The following CELSR2 variants were observed in gnomAD, a reference collection of about 807,000 sequenced individuals.
The protein encoded by CELSR2 is EGF-like protein 2.
Under a neutral mutation model 251.6 loss-of-function variants are expected in CELSR2, and 81 were observed. That is an observed-to-expected ratio of 0.32 (90% CI 0.27 to 0.39). The LOEUF (loss-of-function observed/expected upper bound fraction) is 0.39. Ranked by LOEUF, CELSR2 falls within the 10% of genes least tolerant of loss-of-function variation. The pLI, the probability that CELSR2 is intolerant of heterozygous loss-of-function variation, is 1.00. For synonymous variants in CELSR2, 1,721 were observed against 1,670.5 expected (o/e 1.03, Z -0.74); for missense variants, 3,365 against 3,947.7 (o/e 0.85, Z 3.96).
Position 109,271,469 on chromosome 1 carries a change from C to CCCTCCACTT in CELSR2, c.7765_7766insACTTCCTCC (p.Leu2588_Leu2589insHisPheLeu). 1 of 1,614,142 alleles carries CCCTCCACTT rather than the reference C, an allele frequency of 6.2e-7. No individual in the cohort carries two copies. Among genetic ancestry groups the CCCTCCACTT allele is most frequent in the Non-Finnish European group, 8.5e-7 (1 of 1,180,030 alleles). On this transcript the variant is annotated inframe_insertion, in exon 27 of 34. Coordinates refer to ENST00000271332, the MANE Select transcript of CELSR2 (RefSeq NM_001408.3). ...GCACTGCTCTCTGTCAACAGCGACACCCTCCTCTTCCACTACCTCTTTGCT... is the reference window on the plus strand; with the variant it reads ...GCACTGCTCTCTGTCAACAGCGACACCCTCCACTTCCTCCTCTTCCACTACCTCTTTGCT...
chr1:109,255,091 ACGGCTCCTCCTGGCC>A (rs1655806220), intron 1 of CELSR2, among the ~76,000 whole-genome samples: 1 of 152,028 alleles, frequency 6.6e-6, no homozygotes, highest in African/African-American at 2.4e-5. Flanking sequence ...AACATCCAGG[ACGGCTCCTCCTGGCC>A]CGGCAGCTCT....
chr1:109,271,471 C>T lies in CELSR2; in HGVS notation c.7762C>T (p.Leu2588Phe), dbSNP rs886430304. 9 of 1,614,176 alleles carry T rather than the reference C, an allele frequency of 5.6e-6. No individual in the cohort carries two copies. Among genetic ancestry groups the T allele is most frequent in the Non-Finnish European group, 6.8e-6 (8 of 1,180,042 alleles). The change falls in exon 27 of 34, where the codon CTC becomes TTC. Residue 2588 changes from leucine to phenylalanine, a missense_variant. Transcript: ENST00000271332. ...ACTGCTCTCTGTCAACAGCGACACC[C>T]TCCTCTTCCACTACCTCTTTGCTAC... ...LALLSVNSDT[L>F]LFHYLFATCN...
rs1557738348 is a variant in CELSR2, at chr1:109,273,309, C to T, written c.8482C>T (p.Pro2828Ser). Residue 2828 changes from proline (P) to serine (S), a missense_variant, in exon 32 of 34, where the codon CCA becomes TCA. Pro to Ser is a moderately conservative substitution (Grantham distance 74). This residue lies in a region of CELSR2 where 2,093 missense variants were observed against 2,382.8 expected (regional missense o/e 0.88). Coordinates refer to ENST00000271332, the MANE Select transcript of CELSR2 (RefSeq NM_001408.3). ...LSREGSLGPL[P>S]GSSAQPHKGI... Reference sequence around the variant, plus strand: ...TCGAGAGGGGTCCCTAGGCCCCCTTCCAGGCTCTTCTGCCCAGCCTCACAA... The same window carrying T: ...TCGAGAGGGGTCCCTAGGCCCCCTTTCAGGCTCTTCTGCCCAGCCTCACAA... 1 of 1,598,120 alleles carries T rather than the reference C, an allele frequency of 6.3e-7. No individual in the cohort carries two copies. Among genetic ancestry groups the T allele is most frequent in the Non-Finnish European group, 8.5e-7 (1 of 1,171,914 alleles).
intron 17 of CELSR2, 40 bp downstream of exon 17, chr1:109,268,100 G>C: frequency 6.4e-7 from 1 of 1,562,498 alleles, no homozygotes. Flanking sequence ...GTTAGATAGG[G>C]GTCATGGTGA....
rs1013929026 is a variant in CELSR2 at position 109,269,130 on chromosome 1, C to G, written c.6652C>G (p.Pro2218Ala). Residue 2218 changes from proline (P) to alanine (A), a missense_variant, in exon 20 of 34, where the codon CCC becomes GCC. Pro to Ala is a conservative substitution (Grantham distance 27). Around this residue, in one of 5 missense-constraint regions of CELSR2, gnomAD observed 2,093 missense variants for 2,382.8 expected, o/e 0.88. Coordinates refer to ENST00000271332, the MANE Select transcript of CELSR2 (RefSeq NM_001408.3). This position sits in a 1 kb window ranked among gnomAD's most constrained non-coding sequence, Gnocchi z 6.4. ...VFRETPPVVR[P>A]AGPGEAQEPE... The stretch of plus-strand genomic sequence containing the variant: ...CCCAGAGACGCCCCCCGTGGTCAGG[C>G]CCGCAGGCCCCGGAGAGGCCCAGGA... 1.9e-6 allele frequency: 3 copies of G among 1,606,226 alleles called. No homozygotes were observed. The highest frequency in any genetic ancestry group is 2.5e-6 in the Non-Finnish European group (3 of 1,176,484).
At chr1:109,265,133 C>G (rs1179218915) in intron 12 of CELSR2, 58 bp from the exon 13 acceptor site, 2 of 1,582,946 alleles carry the variant, frequency 1.3e-6, no homozygotes, top group Non-Finnish European at 1.7e-6. Context: ...ATAGGGCTCA[C>G]CTAGGTTAGG....
In CELSR2 at chr1:109,271,600, G is replaced by C; in HGVS notation, c.7804G>C (p.Gly2602Arg). 1 of 1,614,134 alleles carries C rather than the reference G, an allele frequency of 6.2e-7. No individual in the cohort carries two copies. Among genetic ancestry groups the C allele is most frequent in the South Asian group, 1.1e-5 (1 of 91,080 alleles). Residue 2602 changes from glycine (G) to arginine (R), a missense_variant and splice_region_variant, in exon 28 of 34, where the codon GGC becomes CGC. Gly to Arg is a moderately radical substitution (Grantham distance 125, BLOSUM62 -2). Around this residue, in one of 5 missense-constraint regions of CELSR2, gnomAD observed 2,093 missense variants for 2,382.8 expected, o/e 0.88. Transcript: ENST00000271332. ...ACCGTTGCTGCCTCTTGCCTGCCAG[G>C]GCCCCTTCATCTTCCTCTCCTATGT... is the stretch of plus-strand genomic sequence containing the variant. ...YLFATCNCIQ[G>R]PFIFLSYVVL...
chr1:109,256,489 G>A (rs1289234143), intron 1 of CELSR2, among the ~76,000 whole-genome samples: 1 of 152,182 alleles, frequency 6.6e-6, no homozygotes, highest in East Asian at 1.9e-4. Flanking sequence ...CGCTGGTACA[G>A]TCAGCCACCG....
At position 109,261,422 on chromosome 1, in the gene CELSR2, G is replaced by C. The variant is rs1251484118; in HGVS notation, c.4182-91G>C. On this transcript the variant is annotated intron_variant, in intron 3 of 33. Coordinates refer to ENST00000271332, the MANE Select transcript of CELSR2 (RefSeq NM_001408.3). This position sits in a 1 kb window ranked among gnomAD's most constrained non-coding sequence, Gnocchi z 4.8. ...GGAGTTGCCTGTGGTTCTGCCAGCA[G>C]ATCTCCCTCCCCTGCGCTGGTTAGG... The C allele has an allele frequency of 3.6e-6, 5 of 1,399,854 alleles. No individual in the cohort carries two copies. The highest frequency in any genetic ancestry group is 5.1e-6 in the Non-Finnish European group (5 of 988,604). 86.7% of individuals were successfully genotyped at this position (1,399,854 alleles called of 1,614,324 possible).
chr1:109,269,615 C>T lies in CELSR2; in HGVS notation c.6980+24C>T, dbSNP rs748783148. 4.3e-6 allele frequency: 7 copies of T among 1,613,376 alleles called. No individual in the cohort carries two copies. Among genetic ancestry groups the T allele is most frequent in the Non-Finnish European group, 5.9e-6 (7 of 1,179,420 alleles). ...CTGTGAGCCTGCACTGCCCTCGCCC[C>T]CTCAGGCTTCGGGCTGAAAGTCCAG... is the stretch of plus-strand genomic sequence containing the variant. On this transcript the variant is annotated intron_variant, in intron 21 of 33. Transcript: ENST00000271332. This position sits in a 1 kb window ranked among gnomAD's most constrained non-coding sequence, Gnocchi z 6.4.
rs1489795835 is a variant in CELSR2 at position 109,258,654 on chromosome 1, G to C, written c.3533G>C (p.Gly1178Ala). 7.7e-6 allele frequency: 12 copies of C among 1,549,756 alleles called. No individual in the cohort carries two copies. The highest frequency in any genetic ancestry group is 9.6e-6 in the Non-Finnish European group (11 of 1,146,040). ...CAGCGGGACACCGACGCCCCCGGGGGCCACATCCTCAACGTGAGCCTGTCG... is the reference window on the plus strand; with the variant it reads ...CAGCGGGACACCGACGCCCCCGGGGCCCACATCCTCAACGTGAGCCTGTCG... The part of the protein sequence containing the change: ...NVQRDTDAPG[G>A]HILNVSLSVG... Residue 1178 changes from glycine to alanine, a missense_variant, in exon 2 of 34, where the codon GGC (glycine) becomes GCC (alanine). Gly to Ala is a moderately conservative substitution (Grantham distance 60). Coordinates refer to ENST00000271332, the MANE Select transcript of CELSR2 (RefSeq NM_001408.3).
Position 109,263,227 on chromosome 1 carries a change from C to T in CELSR2, c.4794C>T (p.Cys1598=), listed in dbSNP as rs2101257667. ...TCVNQWDAFS[C]ECPLGFGGKS... is the part of the protein sequence containing the mutation. ...TGAACCAGTGGGACGCGTTCAGCTG[C>T]GAGTGCCCCCTGGGCTTTGGGGGCA... Residue 1598 remains cysteine (C), a synonymous_variant, in exon 8 of 34, where the codon TGC becomes TGT. Transcript: ENST00000271332. 2 of 1,591,440 alleles carry T rather than the reference C, an allele frequency of 1.3e-6. No individual in the cohort carries two copies. Among genetic ancestry groups the T allele is most frequent in the Non-Finnish European group, 8.6e-7 (1 of 1,161,850 alleles).
Position 109,262,126 on chromosome 1 carries a change from A to G in CELSR2, c.4387-161A>G, listed in dbSNP as rs140995109. Among the ~76,000 whole-genome samples the G allele has an allele frequency of 1.4e-3, 218 of 152,368 alleles. 4 individuals are homozygous for G. Among genetic ancestry groups the G allele is most frequent in the East Asian group, 1.5e-3 (8 of 5,182 alleles). The stretch of plus-strand genomic sequence containing the variant: ...CGCAAACTTGGACACTGAGGAAGGT[A>G]GTTACATGCATAAACCACGTGAGCA... On this transcript the variant is annotated intron_variant, in intron 5 of 33. Transcript: ENST00000271332.
At position 109,269,932 on chromosome 1, in the gene CELSR2, G is replaced by A; in HGVS notation, c.7108-1G>A. ...CTGGCCCCCTGCCACCTACTCTGCA[G>A]AATGGGGAGATCCTGCCACTGAAGA... On this transcript the variant is annotated splice_acceptor_variant, in intron 22 of 33. Coordinates refer to ENST00000271332, the MANE Select transcript of CELSR2 (RefSeq NM_001408.3). LOFTEE classifies it high-confidence loss of function. This position sits in a 1 kb window ranked among gnomAD's most constrained non-coding sequence, Gnocchi z 6.4. 6.2e-7 allele frequency: 1 copy of A among 1,614,162 alleles called. No individual in the cohort carries two copies. Among genetic ancestry groups the A allele is most frequent in the Non-Finnish European group, 8.5e-7 (1 of 1,180,022 alleles).
chr1:109,263,327 C>A, intron 8 of CELSR2, 60 bp downstream of exon 8: 1 of 1,531,440 alleles, frequency 6.5e-7, no homozygotes, highest in South Asian at 1.3e-5. Context: ...TGGGAACTGG[C>A]AGGGTTGGGG....
rs1388793324 is a variant in CELSR2, at chr1:109,252,135, A to G, written c.2056A>G (p.Thr686Ala). Residue 686 changes from threonine to alanine, a missense_variant, in exon 1 of 34, where the codon ACC becomes GCC. Around this residue, in one of 5 missense-constraint regions of CELSR2, gnomAD observed 505 missense variants for 660.0 expected, o/e 0.77. Transcript: ENST00000271332. This position sits in a 1 kb window ranked among gnomAD's most constrained non-coding sequence, Gnocchi z 4.8. ...TGAGCGGCAGTATGTGTTGGCTGTT[A>G]CCGCCTCCGATGGCACTCGGCAGGA... ...KLERQYVLAV[T>A]ASDGTRQDTA... 3 of 1,613,882 alleles carry G rather than the reference A, an allele frequency of 1.9e-6. No individual in the cohort carries two copies. Among genetic ancestry groups the G allele is most frequent in the Non-Finnish European group, 2.5e-6 (3 of 1,180,044 alleles).
chr1:109,266,801 C>A (rs1656209249), intron 15 of CELSR2, among the ~76,000 whole-genome samples: 1 of 150,988 alleles, frequency 6.6e-6, no homozygotes, highest in Non-Finnish European at 1.5e-5. Flanking sequence ...CTCTCTGCAA[C>A]CTCCACCTCA....
At chr1:109,255,053 G>T (rs986726439) in intron 1 of CELSR2, among the ~76,000 whole-genome samples, 1 of 152,144 alleles carries the variant, frequency 6.6e-6, no homozygotes, top group East Asian at 1.9e-4. Flanking sequence ...CTAGACCTTG[G>T]TTCCCTAGTC....
In CELSR2 at chr1:109,258,347, G is replaced by C. The variant is rs1198210763; in HGVS notation, c.3311-85G>C. 6 of 976,656 alleles carry C rather than the reference G, an allele frequency of 6.1e-6. No homozygotes were observed. In the East Asian group the frequency reaches 1.6e-4, roughly 26 times the overall value. 60.5% of individuals were successfully genotyped at this position (976,656 alleles called of 1,614,324 possible). The stretch of plus-strand genomic sequence containing the variant: ...CAGCACCCTTATGCCAGTTGGAAAG[G>C]AGAGCCTTTCTTGGTGGGTGGTGCA... On this transcript the variant is annotated intron_variant, in intron 1 of 33. Coordinates refer to ENST00000271332, the MANE Select transcript of CELSR2 (RefSeq NM_001408.3).
Sources: gnomAD v4.1 joint callset for allele counts (sites outside exome capture counted in the v4.1 genomes callset) on GRCh38, gnomAD v4.1.1 for gene constraint, gnomAD v4.1.1 regional missense constraint, Gnocchi (gnomAD v3.1) non-coding constraint, MANE v1.5 for transcripts, NCBI Gene and HGNC (gene_info 2026-07-23, HGNC 2026-07-21) for gene names.